The following ST6GALNAC3 variants were observed in gnomAD, a reference collection of about 807,000 sequenced individuals.
ST6GALNAC3 encodes alpha-N-acetylgalactosaminide alpha-2,6-sialyltransferase 3.
In ST6GALNAC3, 25 loss-of-function variants were observed where a neutral mutation model predicts 32.7. That is an observed-to-expected ratio of 0.76 (90% CI 0.56 to 1.07). The LOEUF is 1.07. ST6GALNAC3 is among the 50% of genes least tolerant of loss of function. The pLI is 0.00. For missense variants in ST6GALNAC3, 355 were observed against 382.4 expected (o/e 0.93, Z 0.60); for synonymous variants, 129 against 133.1 (o/e 0.97, Z 0.21).
At chr1:76,090,432 C>T (rs1361916468) in intron 1 of ST6GALNAC3, among the ~76,000 whole-genome samples, 1 of 152,242 alleles carries the variant, frequency 6.6e-6, no homozygotes, top group East Asian at 1.9e-4. Context: ...ATGGCTGTGC[C>T]TCCTGGTCTA....
chr1:76,236,339 T>A (rs1271802302), intron 1 of ST6GALNAC3, among the ~76,000 whole-genome samples: 1 of 152,212 alleles, frequency 6.6e-6, no homozygotes, highest in Non-Finnish European at 1.5e-5. Flanking sequence ...GATTTCAACA[T>A]ACGAGTTTTG....
chr1:76,123,684 T>C (rs1396606436), intron 1 of ST6GALNAC3, among the ~76,000 whole-genome samples: 2 of 151,692 alleles, frequency 1.3e-5, no homozygotes, highest in African/African-American at 4.8e-5. Context: ...TGAATAATAG[T>C]GTAACAAATA....
intron 2 of ST6GALNAC3, among the ~76,000 whole-genome samples, chr1:76,406,493 T>C (rs946120679): frequency 2.0e-5 from 3 of 152,020 alleles, no homozygotes; most frequent in African/African-American, 7.2e-5. Context: ...GATTAGTTTA[T>C]CTTAGACTGA....
intron 1 of ST6GALNAC3, among the ~76,000 whole-genome samples, chr1:76,256,722 C>T (rs1157461162): frequency 1.3e-5 from 2 of 150,446 alleles, no homozygotes; most frequent in Non-Finnish European, 3.0e-5. Flanking sequence ...GTTCTGAACA[C>T]ATAAAATGAC....
At chr1:76,172,024 C>G (rs561899852) in intron 1 of ST6GALNAC3, among the ~76,000 whole-genome samples, 17 of 151,936 alleles carry the variant, frequency 1.1e-4, no homozygotes, top group African/African-American at 4.1e-4. Context: ...TGGGAAGAGA[C>G]ACAACAAAAA....
intron 1 of ST6GALNAC3, among the ~76,000 whole-genome samples, chr1:76,277,444 A>G (rs920688020): frequency 5.3e-5 from 8 of 151,058 alleles, no homozygotes; most frequent in Non-Finnish European, 1.2e-4. Flanking sequence ...GGAAACAATT[A>G]ATTTCTATAT....
chr1:76,321,051 T>C (rs1482010925), intron 2 of ST6GALNAC3, among the ~76,000 whole-genome samples: 2 of 151,956 alleles, frequency 1.3e-5, no homozygotes, highest in Non-Finnish European at 2.9e-5. Context: ...ACTCTCCACC[T>C]TCCCTTTATT....
chr1:76,195,212 A>G (rs1202548111), intron 1 of ST6GALNAC3, among the ~76,000 whole-genome samples: 1 of 152,202 alleles, frequency 6.6e-6, no homozygotes, highest in Non-Finnish European at 1.5e-5. Flanking sequence ...TATTTCATTC[A>G]TTTAGAAGAA....
intron 1 of ST6GALNAC3, among the ~76,000 whole-genome samples, chr1:76,134,026 T>G (rs569555849): frequency 6.6e-6 from 1 of 152,302 alleles, no homozygotes; most frequent in South Asian, 2.1e-4. Flanking sequence ...GACACATGTT[T>G]AAGCAGTACA....
rs566043842 is a variant in ST6GALNAC3, at chr1:76,506,307, A to C, written c.623+93890A>C. Among the ~76,000 whole-genome samples, 11 of 152,300 alleles carry C rather than the reference A, an allele frequency of 7.2e-5. No homozygotes were observed. In the South Asian group the frequency reaches 1.7e-3, roughly 23 times the overall value. Reference sequence around the variant, plus strand: ...AAGACTCATATCCCAGGAAGGAAGGAATCTGGGCCTGTCTCAGGCAAAACT... The same window carrying C: ...AAGACTCATATCCCAGGAAGGAAGGCATCTGGGCCTGTCTCAGGCAAAACT... On this transcript the variant is annotated intron_variant, in intron 3 of 4. Coordinates refer to ENST00000328299, the MANE Select transcript of ST6GALNAC3 (RefSeq NM_152996.4).
chr1:76,447,437 T>C (rs1421745594), intron 3 of ST6GALNAC3, among the ~76,000 whole-genome samples: 2 of 152,096 alleles, frequency 1.3e-5, no homozygotes, highest in African/African-American at 4.8e-5. Context: ...TGTCAGAAAA[T>C]CCCATTTTCT....
In ST6GALNAC3 at chr1:76,628,807, T is replaced by C; in HGVS notation, c.*1T>C. ...ACATCCAAACTGGACATTGTCTTGA[T>C]AATGGTTTTCCTGATCTTGCCGCAT... On this transcript the variant is annotated 3_prime_UTR_variant, in exon 5 of 5. Coordinates refer to ENST00000328299, the MANE Select transcript of ST6GALNAC3 (RefSeq NM_152996.4). 6.2e-7 allele frequency: 1 copy of C among 1,610,338 alleles called. No individual in the cohort carries two copies. Among genetic ancestry groups the C allele is most frequent in the Non-Finnish European group, 8.5e-7 (1 of 1,178,178 alleles).
At chr1:76,635,785 TGC>T (rs1649489733), downstream of ST6GALNAC3, among the ~76,000 whole-genome samples, 1 of 152,146 alleles carries the variant, frequency 6.6e-6, no homozygotes, top group Non-Finnish European at 1.5e-5. Flanking sequence ...CTATTCGGCC[TGC>T]TAAAAGGGAA....
chr1:76,118,997 A>C (rs1051284588), intron 1 of ST6GALNAC3, among the ~76,000 whole-genome samples: 1 of 151,988 alleles, frequency 6.6e-6, no homozygotes, highest in Non-Finnish European at 1.5e-5. Flanking sequence ...TAATTTTTGT[A>C]TTTTTAGTAG....
At chr1:76,422,080 A>G (rs984321806) in intron 3 of ST6GALNAC3, among the ~76,000 whole-genome samples, 1 of 151,724 alleles carries the variant, frequency 6.6e-6, no homozygotes, top group African/African-American at 2.4e-5. Flanking sequence ...AGTGTTTTCT[A>G]TGTATTTCTC....
At chr1:76,180,743 G>A (rs543666413) in intron 1 of ST6GALNAC3, among the ~76,000 whole-genome samples, 16 of 152,248 alleles carry the variant, frequency 1.1e-4, no homozygotes, top group Non-Finnish European at 1.6e-4. Context: ...TCAGGTGCTG[G>A]ATGGCCAAAC....
In ST6GALNAC3 at chr1:76,274,739, G is replaced by A. The variant is rs566711369; in HGVS notation, c.19-39066G>A. ...AACATAGGTATTTTAAAGAGATAGGGTGGAGGGGGGTGCTTTTCCAGGGTA... is the reference window on the plus strand; with the variant it reads ...AACATAGGTATTTTAAAGAGATAGGATGGAGGGGGGTGCTTTTCCAGGGTA... On this transcript the variant is annotated intron_variant, in intron 1 of 4. Coordinates refer to ENST00000328299, the MANE Select transcript of ST6GALNAC3 (RefSeq NM_152996.4). Among the ~76,000 whole-genome samples the A allele has an allele frequency of 7.2e-4, 109 of 152,234 alleles. 1 individual carries two copies. Among genetic ancestry groups the A allele is most frequent in the Admixed American group, 7.1e-3 (108 of 15,284 alleles).
intron 3 of ST6GALNAC3, among the ~76,000 whole-genome samples, chr1:76,533,934 T>C (rs764398819): frequency 1.4e-4 from 21 of 152,196 alleles, no homozygotes; most frequent in Non-Finnish European, 2.6e-4. Flanking sequence ...CCTTTTTTAT[T>C]GCACACACCC....
chr1:76,491,935 G>A (rs541941745), intron 3 of ST6GALNAC3, among the ~76,000 whole-genome samples: 1 of 152,282 alleles, frequency 6.6e-6, no homozygotes, highest in African/African-American at 2.4e-5. Flanking sequence ...CTGTTGCATA[G>A]ATCATTTTCG....
Sources: gnomAD v4.1 joint callset for allele counts (sites outside exome capture counted in the v4.1 genomes callset) on GRCh38, gnomAD v4.1.1 for gene constraint, MANE v1.5 for transcripts, NCBI Gene and HGNC (gene_info 2026-07-23, HGNC 2026-07-21) for gene names.